Variants in HMGA2 observed in about 807,000 individuals in gnomAD.
HMGA2 encodes high mobility group protein HMGI-C.
Under a neutral mutation model 19.1 loss-of-function variants are expected in HMGA2, and 8 were observed. That is an observed-to-expected ratio of 0.42 (90% CI 0.25 to 0.76). HMGA2 has a LOEUF of 0.76. Ranked by LOEUF, HMGA2 falls within the 30% of genes least tolerant of loss-of-function variation. HMGA2 has a pLI of 0.28. For synonymous variants in HMGA2, 60 were observed against 48.8 expected, an observed-to-expected ratio of 1.23 and a Z score of -0.96; for missense variants, 109 against 136.3, an observed-to-expected ratio of 0.80 and a Z score of 1.00.
At chr12:65,877,691 A>C (rs1291973771) in intron 3 of HMGA2, among the ~76,000 whole-genome samples, 5 of 152,208 alleles carry the variant, frequency 3.3e-5, no homozygotes, top group African/African-American at 1.2e-4. Flanking sequence ...GAGAGCAAAA[A>C]AGTTTCAGAA....
intron 3 of HMGA2, among the ~76,000 whole-genome samples, chr12:65,878,741 A>C (rs916652137): frequency 1.3e-5 from 2 of 152,244 alleles, no homozygotes; most frequent in Admixed American, 6.5e-5. Flanking sequence ...GCCCAAAGCC[A>C]AGCCAGGCAT....
At chr12:65,841,107 T>C (rs1870976915) in intron 3 of HMGA2, among the ~76,000 whole-genome samples, 1 of 152,188 alleles carries the variant, frequency 6.6e-6, no homozygotes, top group Admixed American at 6.5e-5. Context: ...AAACAGTTGA[T>C]GATTCAGCCA....
Position 65,965,609 on chromosome 12 carries a change from G to A in HMGA2, c.*2317G>A. The A allele has an allele frequency of 4.6e-6, 1 of 216,904 alleles. No individual in the cohort carries two copies. The allele number at this position is 216,904 out of a possible 1,614,324, so 13.4% of individuals were successfully genotyped here. A position where few individuals can be genotyped will look rare whatever the true frequency, so the allele number is the denominator to read the frequency against. ...AAAACTCAACATTACTGTTAACTGT[G>A]CGTTAAATAAGCAAATAAACAGTGG... On this transcript the variant is annotated 3_prime_UTR_variant, in exon 5 of 5. Transcript: ENST00000403681.
At chr12:65,837,299 C>T (rs1287363861) in intron 2 of HMGA2, among the ~76,000 whole-genome samples, 1 of 152,156 alleles carries the variant, frequency 6.6e-6, no homozygotes. Context: ...TATTTTATCT[C>T]TCATCTACCT....
chr12:65,954,165 C>T (rs1214340300), intron 4 of HMGA2: 1 of 152,160 alleles, frequency 6.6e-6, no homozygotes, highest in Non-Finnish European at 1.5e-5. Context: ...CTCCCAAGAA[C>T]ATTACAAGAG....
intron 3 of HMGA2, among the ~76,000 whole-genome samples, chr12:65,864,986 C>T (rs1872314553): frequency 6.6e-6 from 1 of 152,134 alleles, no homozygotes; most frequent in Non-Finnish European, 1.5e-5. Flanking sequence ...CCCTCTTCTG[C>T]CTCTGTTACC....
intron 3 of HMGA2, among the ~76,000 whole-genome samples, chr12:65,950,994 T>A (rs1266976785): frequency 6.6e-6 from 1 of 152,160 alleles, no homozygotes; most frequent in African/African-American, 2.4e-5. Context: ...AGTGGCATGA[T>A]CACGGCTCAC....
chr12:65,857,316 T>G (rs1871792950), intron 3 of HMGA2: 1 of 152,224 alleles, frequency 6.6e-6, no homozygotes, highest in South Asian at 2.1e-4. Context: ...TGCAGAGAAC[T>G]GAAACTGTGT....
intron 3 of HMGA2, among the ~76,000 whole-genome samples, chr12:65,932,409 T>A (rs1207263424): frequency 6.6e-6 from 1 of 152,262 alleles, no homozygotes; most frequent in East Asian, 1.9e-4. Flanking sequence ...GCAAAGATCA[T>A]ATTCTTTCAT....
chr12:65,838,638 G>C, intron 3 of HMGA2, 69 bp downstream of exon 3: 1 of 1,111,018 alleles, frequency 9.0e-7, no homozygotes, highest in Non-Finnish European at 1.3e-6. Flanking sequence ...AATGAGAAAA[G>C]TTTTATTTCG....
chr12:65,842,416 C>T (rs1218617425), intron 3 of HMGA2, among the ~76,000 whole-genome samples: 1 of 152,206 alleles, frequency 6.6e-6, no homozygotes, highest in Non-Finnish European at 1.5e-5. Flanking sequence ...ACCTTAATTA[C>T]TTACAGCCAC....
chr12:65,843,866 T>C (rs1871119160), intron 3 of HMGA2, among the ~76,000 whole-genome samples: 1 of 152,082 alleles, frequency 6.6e-6, no homozygotes, highest in African/African-American at 2.4e-5. Context: ...CTGGCCAACA[T>C]GGTGAAACCC....
chr12:65,957,320 A>G (rs1332004529), intron 4 of HMGA2: 1 of 152,124 alleles, frequency 6.6e-6, no homozygotes, highest in Non-Finnish European at 1.5e-5. Flanking sequence ...ACATTCCACA[A>G]CAGCTGTGGA....
chr12:65,830,013 T>A (rs1870408116), intron 2 of HMGA2, among the ~76,000 whole-genome samples: 1 of 152,046 alleles, frequency 6.6e-6, no homozygotes, highest in Non-Finnish European at 1.5e-5. Context: ...GGCTTTCTTT[T>A]TTCTAAAGAT....
intron 3 of HMGA2, among the ~76,000 whole-genome samples, chr12:65,878,214 A>T (rs571646005): frequency 6.6e-6 from 1 of 152,340 alleles, no homozygotes; most frequent in African/African-American, 2.4e-5. Flanking sequence ...CTCTGCAACA[A>T]CGTTTCTTGT....
At chr12:65,909,529 A>T (rs556376585) in intron 3 of HMGA2, among the ~76,000 whole-genome samples, 2 of 152,338 alleles carry the variant, frequency 1.3e-5, no homozygotes, top group African/African-American at 4.8e-5. Flanking sequence ...AGAATGAAAA[A>T]TATCTAAAGC....
At chr12:65,932,583 T>G (rs749664776) in intron 3 of HMGA2, among the ~76,000 whole-genome samples, 1 of 152,238 alleles carries the variant, frequency 6.6e-6, no homozygotes, top group Non-Finnish European at 1.5e-5. Context: ...TAGTTTCAAT[T>G]CTATAAACCT....
At chr12:65,894,761 C>T (rs750153545) in intron 3 of HMGA2, among the ~76,000 whole-genome samples, 7 of 152,130 alleles carry the variant, frequency 4.6e-5, no homozygotes, top group Admixed American at 6.5e-5. Context: ...GAAGTACACC[C>T]CAAGGTAGAG....
intron 3 of HMGA2, among the ~76,000 whole-genome samples, chr12:65,926,192 G>A (rs944975787): frequency 6.6e-6 from 1 of 152,136 alleles, no homozygotes; most frequent in Non-Finnish European, 1.5e-5. Context: ...TGTTAACTCC[G>A]CCCCTAAAAG....
Sources: gnomAD v4.1 joint callset for allele counts (sites outside exome capture counted in the v4.1 genomes callset) on GRCh38, gnomAD v4.1.1 for gene constraint, MANE v1.5 for transcripts, NCBI Gene and HGNC (gene_info 2026-07-23, HGNC 2026-07-21) for gene names.